ZMYND8: variants seen among roughly 807,000 people sequenced by gnomAD.
ZMYND8 encodes zinc finger MYND-type containing 8.
A neutral mutation model predicts 140.8 loss-of-function variants in ZMYND8; 37 were observed. The ratio of observed to expected loss-of-function variants is 0.26; its 90% CI spans 0.20 to 0.35. ZMYND8 has a LOEUF of 0.35. Ranked by LOEUF, ZMYND8 falls within the 10% of genes least tolerant of loss-of-function variation. ZMYND8 has a pLI of 1.00. For synonymous variants in ZMYND8, 592 were observed against 597.1 expected (o/e 0.99, Z 0.12); for missense variants, 1,068 against 1,570.0 (o/e 0.68, Z 5.40).
intron 19 of ZMYND8, among the ~76,000 whole-genome samples, 168 bp from the exon 20 acceptor site, chr20:47,221,642 G>A (rs1182167415): frequency 6.6e-6 from 1 of 152,196 alleles, no homozygotes; most frequent in Non-Finnish European, 1.5e-5. Context: ...CCAGAAGCTG[G>A]AATTCCAAAC....
At chr20:47,214,860 G>C (rs1247283127) in intron 21 of ZMYND8, among the ~76,000 whole-genome samples, 1 of 152,068 alleles carries the variant, frequency 6.6e-6, no homozygotes, top group Non-Finnish European at 1.5e-5. Context: ...CCAAACCCTG[G>C]AGAGGAGGCC....
chr20:47,302,169 T>G (rs1339516916), intron 3 of ZMYND8, among the ~76,000 whole-genome samples: 1 of 150,236 alleles, frequency 6.7e-6, no homozygotes, highest in Non-Finnish European at 1.5e-5. Flanking sequence ...ACAGTATGTA[T>G]GAAACATAAA....
chr20:47,212,721 G>T lies in ZMYND8; in HGVS notation c.3489C>A (p.Ser1163Arg). The T allele has an allele frequency of 6.2e-7, 1 of 1,611,242 alleles. No homozygotes were observed. The highest frequency in any genetic ancestry group is 8.5e-7 in the Non-Finnish European group (1 of 1,178,018). ...AGGCAGGTTGCTTGTCACACCTTTT[G>T]CTAACTGAAGAGATAGCACAGGTAG... ...ILLGSNQGSVSKRCDKQPAYA... is the reference protein window; with the variant it reads ...ILLGSNQGSVRKRCDKQPAYA... The change falls in exon 22 of 23, where the codon AGC (serine) becomes AGA (arginine). Residue 1163 changes from serine (S) to arginine (R), a missense_variant. Transcript: ENST00000471951.
At chr20:47,245,005 C>T (rs1424559238) in intron 14 of ZMYND8, among the ~76,000 whole-genome samples, 3 of 151,988 alleles carry the variant, frequency 2.0e-5, no homozygotes, top group Admixed American at 1.3e-4. Context: ...TGCAGTCAGC[C>T]GAGATTGTAC....
intron 2 of ZMYND8, among the ~76,000 whole-genome samples, chr20:47,313,424 C>T (rs1047294684): frequency 4.0e-5 from 6 of 150,828 alleles, no homozygotes; most frequent in Non-Finnish European, 3.0e-5. Context: ...AGATCGAGAC[C>T]ATCCTGGCTA....
At chr20:47,297,878 T>G (rs959725412) in intron 4 of ZMYND8, among the ~76,000 whole-genome samples, 1 of 152,170 alleles carries the variant, frequency 6.6e-6, no homozygotes, top group Non-Finnish European at 1.5e-5. Context: ...GTTGGCTTAA[T>G]AAAGGGTGCC....
intron 2 of ZMYND8, chr20:47,319,917 C>T (rs2079776245): frequency 7.1e-6 from 1 of 139,984 alleles, no homozygotes; most frequent in African/African-American, 2.6e-5. Flanking sequence ...GTACATGAGG[C>T]CCTTCAAACT....
chr20:47,299,907 C>T (rs2077898046), intron 3 of ZMYND8, among the ~76,000 whole-genome samples: 1 of 152,122 alleles, frequency 6.6e-6, no homozygotes, highest in Non-Finnish European at 1.5e-5. Context: ...AAGTTTACCC[C>T]CAATACATAA....
At chr20:47,231,419 T>C (rs2038462864) in intron 16 of ZMYND8, among the ~76,000 whole-genome samples, 1 of 151,980 alleles carries the variant, frequency 6.6e-6, no homozygotes, top group Non-Finnish European at 1.5e-5. Context: ...AAACAAGAAC[T>C]GCATGCCGCC....
intron 12 of ZMYND8, among the ~76,000 whole-genome samples, chr20:47,260,298 G>A (rs181870783): frequency 7.9e-5 from 12 of 152,226 alleles, no homozygotes; most frequent in Admixed American, 5.9e-4. Context: ...ACACAGCACC[G>A]AGGGCTTCTT....
intron 2 of ZMYND8, among the ~76,000 whole-genome samples, chr20:47,328,473 AT>A: frequency 6.6e-6 from 1 of 152,084 alleles, no homozygotes; most frequent in East Asian, 1.9e-4. Context: ...CAAAAAGTTA[AT>A]TCTTTTTTTT....
At position 47,327,174 on chromosome 20, in the gene ZMYND8, G is replaced by A. The variant is rs148794690; in HGVS notation, c.86-16970C>T. 6.8e-4 allele frequency among the ~76,000 whole-genome samples: 103 copies of A among 152,038 alleles called. 1 individual carries two copies. The highest frequency in any genetic ancestry group is 2.4e-3 in the African/African-American group (99 of 41,494). On this transcript the variant is annotated intron_variant, in intron 2 of 22. Coordinates refer to ENST00000471951, the MANE Select transcript of ZMYND8 (RefSeq NM_001281775.3). ...TGGAATTACAGGCATGCACCACCAC[G>A]CCTGGCTAATTTTGTATTTTTAGTA...
At chr20:47,245,419 G>T (rs1479154371) in intron 14 of ZMYND8, among the ~76,000 whole-genome samples, 2 of 152,038 alleles carry the variant, frequency 1.3e-5, no homozygotes, top group Non-Finnish European at 2.9e-5. Flanking sequence ...GCTAATTTTT[G>T]TATTTTAGTA....
chr20:47,257,515 CAT>C (rs1397944996), intron 12 of ZMYND8, among the ~76,000 whole-genome samples: 1 of 151,906 alleles, frequency 6.6e-6, no homozygotes, highest in African/African-American at 2.4e-5. Flanking sequence ...CATACACACA[CAT>C]ACATATACTC....
chr20:47,337,054 T>TA (rs991415976), intron 2 of ZMYND8, among the ~76,000 whole-genome samples: 3 of 150,200 alleles, frequency 2.0e-5, no homozygotes, highest in Admixed American at 6.6e-5. Flanking sequence ...AAAAAAGGTT[T>TA]AAAAATCAAA....
intron 16 of ZMYND8, among the ~76,000 whole-genome samples, chr20:47,233,589 T>C (rs1442526392): frequency 2.0e-5 from 3 of 152,166 alleles, no homozygotes; most frequent in African/African-American, 4.8e-5. Context: ...GCAGGCTTGT[T>C]TGAAATGCAC....
At chr20:47,269,071 T>C (rs2075752153) in intron 11 of ZMYND8, among the ~76,000 whole-genome samples, 1 of 151,854 alleles carries the variant, frequency 6.6e-6, no homozygotes, top group Admixed American at 6.6e-5. Context: ...TGTTGGCACA[T>C]GCCTGTAATC....
chr20:47,219,055 ATTTTTT>A (rs3092175), intron 21 of ZMYND8, among the ~76,000 whole-genome samples: 1 of 110,944 alleles, frequency 9.0e-6, no homozygotes, highest in South Asian at 2.8e-4. Context: ...CGTTTCTACA[ATTTTTT>A]TTTTTTTTTT....
At chr20:47,255,557 A>T in intron 12 of ZMYND8, among the ~76,000 whole-genome samples, 1 of 83,308 alleles carries the variant, frequency 1.2e-5, no homozygotes, top group Admixed American at 1.2e-4. Context: ...ATATACATAT[A>T]CTCAGTGTGT....
Sources: gnomAD v4.1 joint callset for allele counts (sites outside exome capture counted in the v4.1 genomes callset) on GRCh38, gnomAD v4.1.1 for gene constraint, MANE v1.5 for transcripts, NCBI Gene and HGNC (gene_info 2026-07-23, HGNC 2026-07-21) for gene names.